Variants in CYLD observed in about 807,000 individuals in gnomAD.
CYLD encodes CYLD lysine 63 deubiquitinase, also known as ubiquitin carboxyl-terminal hydrolase CYLD.
A neutral mutation model predicts 104.5 loss-of-function variants in CYLD; 26 were observed. That is an observed-to-expected ratio of 0.25 (90% confidence interval 0.18 to 0.35). The LOEUF is 0.35. CYLD is among the 10% of genes least tolerant of loss of function. The probability of loss-of-function intolerance (pLI) is 1.00; values close to 1 mark genes in which losing one functional copy is unlikely to be tolerated. For synonymous variants in CYLD, 385 were observed against 399.9 expected, an observed-to-expected ratio of 0.96 and a Z score of 0.45; for missense variants, 703 against 1,136.1, an observed-to-expected ratio of 0.62 and a Z score of 5.48.
At chr16:50,766,546 G>A (rs1968544852) in intron 5 of CYLD, among the ~76,000 whole-genome samples, 1 of 152,146 alleles carries the variant, frequency 6.6e-6, no homozygotes, top group Non-Finnish European at 1.5e-5. Context: ...CATTCTGTAA[G>A]GCTGCCATAG....
chr16:50,786,400 G>A (rs1313189567), intron 12 of CYLD: 1 of 161,756 alleles, frequency 6.2e-6, no homozygotes, highest in African/African-American at 2.4e-5. Context: ...TCAAGAAGAA[G>A]CTTATCATTG....
At chr16:50,780,167 A>G in intron 9 of CYLD, 123 bp downstream of exon 9, 1 of 1,205,950 alleles carries the variant, frequency 8.3e-7, no homozygotes, top group South Asian at 1.3e-5. Context: ...CTGCAGAATA[A>G]TTTTCTCACC....
chr16:50,754,944 T>TAC (rs1287952417), intron 5 of CYLD, among the ~76,000 whole-genome samples: 1 of 147,402 alleles, frequency 6.8e-6, no homozygotes, highest in Non-Finnish European at 1.5e-5. Context: ...TATGTATATA[T>TAC]ACACACATAT....
rs376881808 is a variant in CYLD at position 50,770,911 on chromosome 16, A to T, written c.914-4255A>T. ...TTGCACATTTTATTTCCCAATGTGTAGCTTGTCTTTTCATCCTCTTAATAG... is the reference window on the plus strand; with the variant it reads ...TTGCACATTTTATTTCCCAATGTGTTGCTTGTCTTTTCATCCTCTTAATAG... On this transcript the variant is annotated intron_variant, in intron 5 of 18. Transcript: ENST00000427738. Among the ~76,000 whole-genome samples the T allele has an allele frequency of 1.6e-4, 24 of 152,304 alleles. No individual in the cohort carries two copies. In the East Asian group the frequency reaches 1.9e-3, roughly 12 times the overall value.
chr16:50,778,573 G>C (rs1333631756), intron 8 of CYLD, among the ~76,000 whole-genome samples: 1 of 152,144 alleles, frequency 6.6e-6, no homozygotes, highest in Non-Finnish European at 1.5e-5. Context: ...CACATGCTTA[G>C]GTTTACCAGA....
chr16:50,768,800 C>T (rs1020717490), intron 5 of CYLD, among the ~76,000 whole-genome samples: 3 of 152,210 alleles, frequency 2.0e-5, no homozygotes, highest in African/African-American at 7.2e-5. Flanking sequence ...TTGACGATCT[C>T]TACGATCAAG....
intron 2 of CYLD, among the ~76,000 whole-genome samples, chr16:50,744,193 C>CT (rs879383679): frequency 4.9e-4 from 70 of 143,690 alleles, no homozygotes; most frequent in African/African-American, 1.1e-3. Context: ...CTCTTCTTTT[C>CT]TTTTTTTTTT....
rs2150999330 is a variant in CYLD at position 50,782,374 on chromosome 16, A to T, written c.1734A>T (p.Lys578Asn). 2 of 1,613,882 alleles carry T rather than the reference A, an allele frequency of 1.2e-6. No individual in the cohort carries two copies. The change falls in exon 11 of 19, where the codon AAA becomes AAT. Residue 578 changes from lysine (K) to asparagine (N), a missense_variant. Physicochemically the swap from Lys to Asn is moderately conservative, Grantham distance 94. Coordinates refer to ENST00000427738, the MANE Select transcript of CYLD (RefSeq NM_001378743.1). ...TAGTAGAAGAAAATACTCCACCAAA[A>T]ATGGAAAAAGAAGGCTTGGAGATAA... ...SEVVEENTPP[K>N]MEKEGLEIMI...
chr16:50,770,696 C>CTG (rs1016411848), intron 5 of CYLD, among the ~76,000 whole-genome samples: 3 of 152,106 alleles, frequency 2.0e-5, no homozygotes, highest in Non-Finnish European at 4.4e-5. Context: ...AGTGATCCAC[C>CTG]TGCCTCGGCT....
In CYLD at chr16:50,776,265, C is replaced by A; in HGVS notation, c.1009C>A (p.Pro337Thr). The A allele has an allele frequency of 6.2e-7, 1 of 1,611,864 alleles. No homozygotes were observed. The highest frequency in any genetic ancestry group is 8.5e-7 in the Non-Finnish European group (1 of 1,178,168). ...CAAAGGTTCATCCAGTCATAATAAA[C>A]CAAAGGCTACAGGTATGGATTAATA... ...GDKGSSSHNK[P>T]KATGSTSDPG... The change falls in exon 7 of 19, where the codon CCA (proline) becomes ACA (threonine). Residue 337 changes from proline (P) to threonine (T), a missense_variant. Physicochemically the swap from Pro to Thr is conservative, Grantham distance 38. Coordinates refer to ENST00000427738, the MANE Select transcript of CYLD (RefSeq NM_001378743.1).
chr16:50,771,492 A>G (rs1969144121), intron 5 of CYLD, among the ~76,000 whole-genome samples: 1 of 152,138 alleles, frequency 6.6e-6, no homozygotes, highest in Non-Finnish European at 1.5e-5. Flanking sequence ...TTCTGTGGAC[A>G]TCTGTTTTCA....
At chr16:50,782,490 G>C (rs779674225) in intron 11 of CYLD, 24 bp downstream of exon 11, 2 of 1,611,822 alleles carry the variant, frequency 1.2e-6, no homozygotes, top group Non-Finnish European at 1.7e-6. Context: ...GAATGCAATA[G>C]GTATAGATAG....
chr16:50,750,270 A>C, intron 3 of CYLD, 68 bp downstream of exon 3: 2 of 1,539,230 alleles, frequency 1.3e-6, no homozygotes, highest in South Asian at 1.1e-5. Context: ...ATTTGTATGC[A>C]CATACATATT....
chr16:50,754,897 AC>A (rs1211771649), intron 5 of CYLD, among the ~76,000 whole-genome samples: 6 of 149,692 alleles, frequency 4.0e-5, no homozygotes, highest in African/African-American at 1.5e-4. Context: ...ACGCATATAT[AC>A]ATATACACAC....
chr16:50,779,260 C>T (rs1250585537), intron 8 of CYLD, among the ~76,000 whole-genome samples: 1 of 152,036 alleles, frequency 6.6e-6, no homozygotes, highest in East Asian at 1.9e-4. Flanking sequence ...TTCTTTCTTT[C>T]TTTGTTACTT....
chr16:50,781,690 A>G (rs1970229177), intron 10 of CYLD, among the ~76,000 whole-genome samples: 1 of 152,022 alleles, frequency 6.6e-6, no homozygotes, highest in African/African-American at 2.4e-5. Flanking sequence ...GTTTTCAGCA[A>G]TACTAGTGGT....
intron 15 of CYLD, 55 bp downstream of exon 15, chr16:50,791,745 CTA>C (rs1456145480): frequency 6.3e-7 from 1 of 1,581,646 alleles, no homozygotes; most frequent in African/African-American, 1.3e-5. Context: ...AGTCTTAAGA[CTA>C]TTGGTAGTTT....
intron 5 of CYLD, among the ~76,000 whole-genome samples, chr16:50,755,482 A>G (rs754088216): frequency 2.0e-5 from 3 of 152,286 alleles, no homozygotes; most frequent in East Asian, 3.9e-4. Flanking sequence ...GTACTAGTTT[A>G]TATTTCCACC....
chr16:50,796,215 G>A, intron 18 of CYLD, 109 bp from the exon 19 acceptor site: 1 of 1,035,050 alleles, frequency 9.7e-7, no homozygotes, highest in Non-Finnish European at 1.4e-6. Context: ...TAAAATAAAG[G>A]CTTTTAGAGC....
Sources: allele counts gnomAD v4.1 joint callset (sites outside exome capture counted in the v4.1 genomes callset), GRCh38; gene constraint gnomAD v4.1.1; transcripts MANE v1.5; gene names NCBI Gene and HGNC (gene_info 2026-07-23, HGNC 2026-07-21).